Variants in BLNK observed in about 807,000 individuals in gnomAD.
The protein encoded by BLNK is B-cell linker protein.
In BLNK, 29 loss-of-function variants were observed where a neutral mutation model predicts 73.5. That is an observed-to-expected ratio of 0.39 (90% CI 0.29 to 0.54). BLNK has a LOEUF of 0.54. Among genes scored for constraint, BLNK ranks in the 20% least tolerant of loss-of-function variants. BLNK has a pLI of 0.61. For synonymous variants in BLNK, 176 were observed against 200.8 expected (o/e 0.88, Z 1.04); for missense variants, 460 against 562.8 (o/e 0.82, Z 1.85).
In BLNK at chr10:96,189,535, T is replaced by A. The variant is rs2083296495; in HGVS notation, c.*2438A>T. ...TCTACAGAACTAGGCCCTTTTGGTG[T>A]TTTACGAGTTTTTTCCTGTTTTTTG... On this transcript the variant is annotated 3_prime_UTR_variant, in exon 17 of 17. Transcript: ENST00000224337. 9.2e-6 allele frequency: 6 copies of A among 653,140 alleles called. No individual in the cohort carries two copies. The highest frequency in any genetic ancestry group is 1.7e-5 in the Non-Finnish European group (6 of 352,020). The allele number at this position is 653,140 out of a possible 1,614,324, so 40.5% of individuals were successfully genotyped here. A position where few individuals can be genotyped will look rare whatever the true frequency, so the allele number is the denominator to read the frequency against.
chr10:96,216,320 A>G (rs782283242), intron 7 of BLNK: 100 of 334,210 alleles, frequency 3.0e-4, no homozygotes, highest in Admixed American at 1.9e-3. Flanking sequence ...TACAAGGCCA[A>G]CATGGTGGCT....
intron 1 of BLNK, among the ~76,000 whole-genome samples, chr10:96,257,197 C>T (rs538581349): frequency 3.3e-4 from 50 of 152,200 alleles, no homozygotes; most frequent in African/African-American, 9.9e-4. Flanking sequence ...AGGATGAGAC[C>T]GCTGGGAGCA....
At chr10:96,238,564 G>A (rs72811035) in intron 3 of BLNK, among the ~76,000 whole-genome samples, 2,786 of 152,270 alleles carry the variant, frequency 0.018, 49 homozygotes, top group Middle Eastern at 0.044. Context: ...AGCTCTCAGG[G>A]CTGATTTCTG....
At chr10:96,194,991 G>A (rs948729944) in intron 16 of BLNK, among the ~76,000 whole-genome samples, 4 of 151,620 alleles carry the variant, frequency 2.6e-5, no homozygotes, top group African/African-American at 9.7e-5. Context: ...GGATGGTCTC[G>A]ATCTCCTGAC....
At chr10:96,268,684 A>G (rs1554914820) in intron 1 of BLNK, among the ~76,000 whole-genome samples, 3 of 151,680 alleles carry the variant, frequency 2.0e-5, no homozygotes, top group African/African-American at 7.3e-5. Context: ...TCTCCTTCCA[A>G]TCCTGCATGC....
In BLNK at chr10:96,271,375, G is replaced by A. The variant is rs377038501; in HGVS notation, c.24C>T (p.Thr8=). The change falls in exon 1 of 17, where the codon ACC becomes ACT. Residue 8 remains threonine, a synonymous_variant. Transcript: ENST00000224337. ...ACCTCAACTTCTGACTGGCGGGGAC[G>A]GTTATTTTATTAAGCTTGTCCATTC... The part of the protein sequence containing the change: MDKLNKI[T]VPASQKLRQL... 199 of 1,613,984 alleles carry A rather than the reference G, an allele frequency of 1.2e-4. No homozygotes were observed. The highest frequency in any genetic ancestry group is 1.6e-4 in the Non-Finnish European group (192 of 1,180,012).
intron 16 of BLNK, among the ~76,000 whole-genome samples, chr10:96,193,195 G>T (rs2083371693): frequency 6.6e-6 from 1 of 152,146 alleles, no homozygotes. Context: ...CAATCATTCA[G>T]CCATCTTGCA....
intron 6 of BLNK, among the ~76,000 whole-genome samples, chr10:96,218,661 A>G (rs193300132): frequency 1.9e-3 from 282 of 148,590 alleles, no homozygotes; most frequent in Non-Finnish European, 3.2e-3. Context: ...GCTTGGCAAC[A>G]GAATGAGACC....
chr10:96,264,345 C>G (rs1554913708), intron 1 of BLNK, among the ~76,000 whole-genome samples: 1 of 152,148 alleles, frequency 6.6e-6, no homozygotes, highest in Non-Finnish European at 1.5e-5. Flanking sequence ...GTTAGGTGGA[C>G]TTAAAAGGCC....
At chr10:96,204,754 G>A (rs2083750926) in intron 11 of BLNK, 138 bp from the exon 12 acceptor site, 1 of 750,888 alleles carries the variant, frequency 1.3e-6, no homozygotes, top group Non-Finnish European at 2.3e-6. Flanking sequence ...GAGATGTCAT[G>A]GATCTGTGCA....
chr10:96,209,811 A>C (rs1554898292), intron 9 of BLNK, 27 bp downstream of exon 9: 1 of 1,614,054 alleles, frequency 6.2e-7, no homozygotes. Context: ...CAGATCTCAA[A>C]AGCTGCTTCC....
intron 13 of BLNK, among the ~76,000 whole-genome samples, chr10:96,202,632 G>T (rs2083675652): frequency 6.6e-6 from 1 of 152,110 alleles, no homozygotes; most frequent in Admixed American, 6.6e-5. Context: ...GTGAGGGCTT[G>T]GCAGGCCCAA....
chr10:96,248,293 T>C (rs782302152), intron 1 of BLNK, among the ~76,000 whole-genome samples: 1 of 151,912 alleles, frequency 6.6e-6, no homozygotes, highest in Non-Finnish European at 1.5e-5. Flanking sequence ...ATCTTACAAC[T>C]CAGTAAGAAA....
intron 1 of BLNK, among the ~76,000 whole-genome samples, chr10:96,264,209 G>A (rs1554913666): frequency 6.6e-6 from 1 of 152,178 alleles, no homozygotes; most frequent in Non-Finnish European, 1.5e-5. Context: ...AAGCAGAATG[G>A]CCCCAAGTCT....
chr10:96,215,513 G>T, intron 7 of BLNK, 124 bp from the exon 8 acceptor site: 1 of 817,922 alleles, frequency 1.2e-6, no homozygotes, highest in Non-Finnish European at 1.9e-6. Context: ...AATTTGCAAA[G>T]AATGGGAGAC....
chr10:96,220,460 A>G (rs1554900850), intron 6 of BLNK, among the ~76,000 whole-genome samples: 1 of 152,200 alleles, frequency 6.6e-6, no homozygotes, highest in Admixed American at 6.5e-5. Context: ...TCTCATCTTT[A>G]TAGGGTTTTA....
chr10:96,211,374 T>G (rs1302085579), intron 8 of BLNK, among the ~76,000 whole-genome samples: 1 of 152,168 alleles, frequency 6.6e-6, no homozygotes, highest in Non-Finnish European at 1.5e-5. Flanking sequence ...GAAGCAGACA[T>G]AGGCCTCTGC....
chr10:96,265,345 A>G (rs1843954645), intron 1 of BLNK, among the ~76,000 whole-genome samples: 1 of 152,088 alleles, frequency 6.6e-6, no homozygotes, highest in Non-Finnish European at 1.5e-5. Flanking sequence ...GTGTTATGAC[A>G]TAATATGCTT....
chr10:96,243,152 A>T (rs1842932179), intron 2 of BLNK, among the ~76,000 whole-genome samples: 1 of 152,206 alleles, frequency 6.6e-6, no homozygotes, highest in South Asian at 2.1e-4. Context: ...GATAAGATGG[A>T]CTATATTTTA....
Sources: allele counts gnomAD v4.1 joint callset (sites outside exome capture counted in the v4.1 genomes callset), GRCh38; gene constraint gnomAD v4.1.1; transcripts MANE v1.5; gene names NCBI Gene and HGNC (gene_info 2026-07-23, HGNC 2026-07-21).